The following GLDC variants were observed in gnomAD, a reference collection of about 807,000 sequenced individuals.
The protein encoded by GLDC is glycine dehydrogenase (decarboxylating), mitochondrial.
Under a neutral mutation model 121.3 loss-of-function variants are expected in GLDC, and 104 were observed. The ratio of observed to expected loss-of-function variants is 0.86; its 90% confidence interval spans 0.73 to 1.01. The LOEUF is 1.01. Among genes scored for constraint, GLDC ranks in the 50% least tolerant of loss-of-function variants. The pLI is 0.00. For synonymous variants in GLDC, 546 were observed against 480.6 expected (o/e 1.14, Z -1.78); for missense variants, 1,429 against 1,306.6 (o/e 1.09, Z -1.44).
chr9:6,618,775 C>T (rs905539226), intron 3 of GLDC, among the ~76,000 whole-genome samples: 2 of 152,098 alleles, frequency 1.3e-5, no homozygotes, highest in African/African-American at 4.8e-5. Context: ...GACACACACA[C>T]ACACCACACA....
In GLDC at chr9:6,595,655, G is replaced by A. The variant is rs141194127; in HGVS notation, c.1156-536C>T. Among the ~76,000 whole-genome samples, 307 of 152,290 alleles carry A rather than the reference G, an allele frequency of 2.0e-3. 1 individual carries two copies. Among genetic ancestry groups the A allele is most frequent in the African/African-American group, 7.0e-3 (292 of 41,566 alleles). ...AGTTGAATGGAGAATCTGTGGCAAA[G>A]GACTGGCAAAAACGGCAATGCGCAC... On this transcript the variant is annotated intron_variant, in intron 8 of 24. Transcript: ENST00000321612.
At chr9:6,548,237 C>A (rs942515094) in intron 21 of GLDC, among the ~76,000 whole-genome samples, 5 of 152,182 alleles carry the variant, frequency 3.3e-5, no homozygotes, top group South Asian at 2.1e-4. Context: ...TTTACATTTT[C>A]TTTGTCATGC....
chr9:6,612,187 TCACTCTCTCACACACACACACAAACACA>T (rs1818870884), intron 3 of GLDC, among the ~76,000 whole-genome samples: 2 of 140,218 alleles, frequency 1.4e-5, no homozygotes, highest in Non-Finnish European at 3.0e-5. Context: ...ACACACACAC[TCACTCTCTCACACACACACACAAACACA>T]CACTCTCTCA....
At chr9:6,542,429 G>A (rs1283297599) in intron 21 of GLDC, 1 of 152,108 alleles carries the variant, frequency 6.6e-6, no homozygotes, top group Non-Finnish European at 1.5e-5. Flanking sequence ...TTGTAGAGAT[G>A]GGGTCTCACT....
Position 6,532,715 on chromosome 9 carries a change from C to G in GLDC, c.*302G>C. ...GTCTCCAGGATAGCCTCTATGACAT[C>G]TGCAAACTTGCCACATTAAAAGTTA... On this transcript the variant is annotated 3_prime_UTR_variant, in exon 25 of 25. Transcript: ENST00000321612. 1 of 391,140 alleles carries G rather than the reference C, an allele frequency of 2.6e-6. No individual in the cohort carries two copies. Among genetic ancestry groups the G allele is most frequent in the Non-Finnish European group, 4.8e-6 (1 of 206,590 alleles). The allele number at this position is 391,140 out of a possible 1,614,324, so 24.2% of individuals were successfully genotyped here.
intron 6 of GLDC, 150 bp downstream of exon 6, chr9:6,604,980 TA>T: frequency 1.1e-6 from 1 of 933,664 alleles, no homozygotes; most frequent in Non-Finnish European, 1.7e-6. Context: ...CAGAAAAAAG[TA>T]GCAGCAAGGA....
rs1187221834 is a variant in GLDC at position 6,610,080 on chromosome 9, T to C, written c.635+112A>G. 1.2e-5 allele frequency: 10 copies of C among 841,996 alleles called. No homozygotes were observed. The South Asian group carries it at 1.4e-4, about 12-fold the overall frequency. 52.2% of individuals were successfully genotyped at this position (841,996 alleles called of 1,614,324 possible). A position where few individuals can be genotyped will look rare whatever the true frequency, so the allele number is the denominator to read the frequency against. ...TGAGTTTTTCAGTTTCTCTGAAAAG[T>C]CATACTCTAGAAAGCTGACTAAAGT... is the stretch of plus-strand genomic sequence containing the variant. On this transcript the variant is annotated intron_variant, in intron 4 of 24. Coordinates refer to ENST00000321612, the MANE Select transcript of GLDC (RefSeq NM_000170.3).
At chr9:6,567,143 A>G (rs1238085090) in intron 15 of GLDC, 1 of 151,916 alleles carries the variant, frequency 6.6e-6, no homozygotes, top group Non-Finnish European at 1.5e-5. Context: ...AATAAAAAAA[A>G]AAAGAAAGAA....
intron 21 of GLDC, chr9:6,540,973 A>T (rs776585394): frequency 6.6e-6 from 1 of 152,246 alleles, no homozygotes; most frequent in Non-Finnish European, 1.5e-5. Context: ...CCAGGGCAAC[A>T]TGGCCAAACC....
At chr9:6,631,526 A>G (rs1249770239) in intron 2 of GLDC, among the ~76,000 whole-genome samples, 1 of 152,246 alleles carries the variant, frequency 6.6e-6, no homozygotes, top group Admixed American at 6.5e-5. Flanking sequence ...AAATGTTAAG[A>G]AATGTACAGA....
At chr9:6,603,603 A>T (rs1818664837) in intron 7 of GLDC, among the ~76,000 whole-genome samples, 2 of 152,274 alleles carry the variant, frequency 1.3e-5, no homozygotes, top group South Asian at 4.1e-4. Context: ...ATCATTGACT[A>T]ATTCAGCTTA....
chr9:6,643,049 C>T (rs1023773035), intron 2 of GLDC, among the ~76,000 whole-genome samples: 1 of 152,050 alleles, frequency 6.6e-6, no homozygotes, highest in Non-Finnish European at 1.5e-5. Context: ...AGGCGCACAC[C>T]ACCACACCCG....
At position 6,554,714 on chromosome 9, in the gene GLDC, C is replaced by T; in HGVS notation, c.2270G>A (p.Cys757Tyr). 1 of 1,612,984 alleles carries T rather than the reference C, an allele frequency of 6.2e-7. No homozygotes were observed. Among genetic ancestry groups the T allele is most frequent in the Non-Finnish European group, 8.5e-7 (1 of 1,179,922 alleles). Residue 757 changes from cysteine (C) to tyrosine (Y), a missense_variant, in exon 19 of 25, where the codon TGC becomes TAC. Physicochemically the swap from Cys to Tyr is radical, Grantham distance 194. Coordinates refer to ENST00000321612, the MANE Select transcript of GLDC (RefSeq NM_000170.3). ...AGGACCACCTCCTCCGTGGGGAATG[C>T]AGAAGGTCTTGTGAAGATTTAGGTG... ...VSHLNLHKTF[C>Y]IPHGGGGPGM...
chr9:6,546,788 C>G (rs1817401478), intron 21 of GLDC, among the ~76,000 whole-genome samples: 8 of 151,668 alleles, frequency 5.3e-5, no homozygotes, highest in Admixed American at 5.3e-4. Flanking sequence ...AGGATGAAAC[C>G]CTGTCTCTAC....
Position 6,592,136 on chromosome 9 carries a change from T to C in GLDC, c.1482+7A>G. The C allele has an allele frequency of 6.5e-7, 1 of 1,545,564 alleles. No homozygotes were observed. The highest frequency in any genetic ancestry group is 1.4e-5 in the African/African-American group (1 of 73,858). On this transcript the variant is annotated splice_region_variant and intron_variant, in intron 11 of 24. Transcript: ENST00000321612. ...TGATGAGGAACGCATGTTTTTATTTTACTTACTGCAGATGACTCACAACCA... is the reference window on the plus strand; with the variant it reads ...TGATGAGGAACGCATGTTTTTATTTCACTTACTGCAGATGACTCACAACCA...
At chr9:6,571,346 T>C (rs755944594) in intron 15 of GLDC, among the ~76,000 whole-genome samples, 7 of 152,144 alleles carry the variant, frequency 4.6e-5, no homozygotes, top group Non-Finnish European at 1.0e-4. Context: ...TACATACCTA[T>C]GATAAAATCT....
chr9:6,645,167 T>C (rs1819716196), intron 1 of GLDC, 78 bp downstream of exon 1: 3 of 1,390,268 alleles, frequency 2.2e-6, no homozygotes, highest in Non-Finnish European at 1.9e-6. Context: ...GAGCTCAGGG[T>C]AGGAGCCGGG....
chr9:6,534,936 A>G lies in GLDC; in HGVS notation c.2839-148T>C, dbSNP rs113830924. ...AATTTAGGGGGGTACAATGTGATTT[A>G]TAATTGTGAAATATTTTAAATATCA... On this transcript the variant is annotated intron_variant, in intron 23 of 24. Coordinates refer to ENST00000321612, the MANE Select transcript of GLDC (RefSeq NM_000170.3). The G allele has an allele frequency of 4.7e-3, 3,174 of 669,338 alleles. 66 individuals are homozygous for G. In the African/African-American group the frequency reaches 0.05, roughly 11 times the overall value. The allele number at this position is 669,338 out of a possible 1,614,324, so 41.5% of individuals were successfully genotyped here. A position where few individuals can be genotyped will look rare whatever the true frequency, so the allele number is the denominator to read the frequency against.
chr9:6,615,592 A>G (rs1419654168), intron 3 of GLDC, among the ~76,000 whole-genome samples: 1 of 151,990 alleles, frequency 6.6e-6, no homozygotes, highest in Non-Finnish European at 1.5e-5. Flanking sequence ...AAAAAAAAAA[A>G]AAAAGACCTA....
Sources: allele counts gnomAD v4.1 joint callset (sites outside exome capture counted in the v4.1 genomes callset), GRCh38; gene constraint gnomAD v4.1.1; transcripts MANE v1.5; gene names NCBI Gene and HGNC (gene_info 2026-07-23, HGNC 2026-07-21).